GRIPAP1: variants seen among roughly 807,000 people sequenced by gnomAD.
The protein encoded by GRIPAP1 is GRIP1 associated protein 1, also known as GRIP1-associated protein 1.
In GRIPAP1, 14 loss-of-function variants were observed where a neutral mutation model predicts 84.1. The ratio of observed to expected loss-of-function variants is 0.17; its 90% CI spans 0.11 to 0.26. The LOEUF (loss-of-function observed/expected upper bound fraction) is 0.26. Ranked by LOEUF, GRIPAP1 falls within the 10% of genes least tolerant of loss-of-function variation. GRIPAP1 has a pLI of 1.00. For synonymous variants in GRIPAP1, 261 were observed against 256.8 expected, an observed-to-expected ratio of 1.02 and a Z score of -0.15; for missense variants, 518 against 674.2, an observed-to-expected ratio of 0.77 and a Z score of 2.57.
At chrX:48,985,606 G>A (rs1557063515) in intron 13 of GRIPAP1, among the ~76,000 whole-genome samples, 1 of 112,146 alleles carries the variant, frequency 8.9e-6, no homozygotes, top group Admixed American at 9.5e-5. Context: ...AACAGTAAGA[G>A]AACAGATCTG....
At chrX:48,989,758 T>A (rs1557064920) in intron 10 of GRIPAP1, 48 bp from the exon 11 acceptor site, 1 of 1,119,295 alleles carries the variant, frequency 8.9e-7, no homozygotes, top group South Asian at 1.8e-5. Context: ...TGAGGCCCAG[T>A]CTCCTAGCTC....
intron 14 of GRIPAP1, among the ~76,000 whole-genome samples, chrX:48,984,839 G>A (rs1325684353): frequency 9.5e-6 from 1 of 105,553 alleles, no homozygotes; most frequent in South Asian, 4.3e-4. Flanking sequence ...TGGTTAACAC[G>A]GTGAAACCCC....
chrX:48,983,620 C>G (rs1557062899), intron 15 of GRIPAP1, among the ~76,000 whole-genome samples, 155 bp downstream of exon 15: 1 of 111,402 alleles, frequency 9.0e-6, no homozygotes, highest in African/African-American at 3.3e-5. Context: ...CTCCCACTCT[C>G]ATGGATTTGG....
chrX:48,985,328 CTG>C lies in GRIPAP1; in HGVS notation c.1114_1115del (p.Gln372AlafsTer4). On this transcript the variant is annotated frameshift_variant, in exon 14 of 26. Coordinates refer to ENST00000376423, the MANE Select transcript of GRIPAP1 (RefSeq NM_020137.5). LOFTEE classifies it high-confidence loss of function. ...QTTGLAAELQQQQAEYEDLMG... is the reference protein window; with the variant it reads ...QTTGLAAELQXQQAEYEDLMG... ...TAAGGTCCTCGTACTCAGCCTGCTG[CTG>C]CTGCAACTCAGCTGCCAGCCCAGTG... 1 of 1,204,103 alleles carries C rather than the reference CTG, an allele frequency of 8.3e-7. No homozygotes were observed. Among genetic ancestry groups the C allele is most frequent in the Non-Finnish European group, 1.1e-6 (1 of 888,435 alleles).
At position 48,973,874 on chromosome X, in the gene GRIPAP1, T is replaced by TA. The variant is rs1346342282; in HGVS notation, c.*318dup. The TA allele has an allele frequency of 9.2e-6, 1 of 109,104 alleles. No individual in the cohort carries two copies. Among genetic ancestry groups the TA allele is most frequent in the Non-Finnish European group, 1.5e-5 (1 of 66,157 alleles). 9.0% of individuals were successfully genotyped at this position (109,104 alleles called of 1,213,427 possible). A position where few individuals can be genotyped will look rare whatever the true frequency, so the allele number is the denominator to read the frequency against. On this transcript the variant is annotated 3_prime_UTR_variant, in exon 26 of 26. Coordinates refer to ENST00000376423, the MANE Select transcript of GRIPAP1 (RefSeq NM_020137.5). Reference sequence around the variant, plus strand: ...GAGTAGCCAGGCTCCAGACATAAATTAAAAAATAAAATAAAATAAAATAAA... The same window carrying TA: ...GAGTAGCCAGGCTCCAGACATAAATTAAAAAAATAAAATAAAATAAAATAAA...
At chrX:48,976,388 C>A in intron 22 of GRIPAP1, 25 bp from the exon 23 acceptor site, 1 of 1,187,096 alleles carries the variant, frequency 8.4e-7, no homozygotes. Flanking sequence ...AGGGGAGAGG[C>A]CAGCCCCGGG....
chrX:48,999,414 T>C (rs782409786), intron 2 of GRIPAP1, 24 bp downstream of exon 2: 8 of 1,163,961 alleles, frequency 6.9e-6, no homozygotes, highest in East Asian at 3.0e-5. Flanking sequence ...GCCACCCCCA[T>C]CTAATAAGGC....
intron 21 of GRIPAP1, among the ~76,000 whole-genome samples, 196 bp downstream of exon 21, chrX:48,981,019 G>A (rs985406332): frequency 1.8e-5 from 2 of 111,966 alleles, no homozygotes; most frequent in Non-Finnish European, 3.8e-5. Context: ...GGGCAAAAAC[G>A]AGAGAAAGAT....
intron 13 of GRIPAP1, among the ~76,000 whole-genome samples, chrX:48,986,555 C>T (rs1405101807): frequency 9.1e-6 from 1 of 109,654 alleles, no homozygotes; most frequent in Non-Finnish European, 1.9e-5. Context: ...CCATGCCCAG[C>T]TATTTTTTTT....
chrX:48,984,608 C>T (rs1299151922), intron 14 of GRIPAP1, among the ~76,000 whole-genome samples: 1 of 102,782 alleles, frequency 9.7e-6, no homozygotes, highest in Non-Finnish European at 2.0e-5. Flanking sequence ...CCAGCTACTC[C>T]GGAGGCTGAG....
chrX:48,987,710 C>G, intron 13 of GRIPAP1, 75 bp downstream of exon 13: 4 of 644,239 alleles, frequency 6.2e-6, no homozygotes, highest in Non-Finnish European at 1.0e-5. Flanking sequence ...ACCACCCTAC[C>G]CTGATGTGGA....
chrX:48,975,683 C>T (rs1411820602), intron 24 of GRIPAP1: 8 of 327,042 alleles, frequency 2.4e-5, no homozygotes, highest in Non-Finnish European at 3.7e-5. Flanking sequence ...ATATAGACAG[C>T]GAGACAAGAT....
rs781939368 is a variant in GRIPAP1, at chrX:48,991,127, G to A, written c.458-17C>T. ...CCTGCAGGGCTGGTGAGTAGAACAG[G>A]GATATATGATGGATGAGGTGGTCTC... On this transcript the variant is annotated splice_polypyrimidine_tract_variant and intron_variant, in intron 6 of 25. Coordinates refer to ENST00000376423, the MANE Select transcript of GRIPAP1 (RefSeq NM_020137.5). 4 of 1,131,459 alleles carry A rather than the reference G, an allele frequency of 3.5e-6. No individual in the cohort carries two copies. The highest frequency in any genetic ancestry group is 4.9e-6 in the Non-Finnish European group (4 of 822,979). 93.2% of individuals were successfully genotyped at this position (1,131,459 alleles called of 1,213,427 possible).
chrX:48,988,441 G>A, intron 11 of GRIPAP1: 1 of 388,118 alleles, frequency 2.6e-6, no homozygotes, highest in Non-Finnish European at 4.5e-6. Context: ...CCTGGCCCTA[G>A]CTGCTACGCG....
intron 17 of GRIPAP1, among the ~76,000 whole-genome samples, chrX:48,982,395 GA>G (rs2064462443): frequency 8.9e-6 from 1 of 112,308 alleles, no homozygotes; most frequent in African/African-American, 3.2e-5. Context: ...TTCTTTTTCC[GA>G]GACAGAGTCT....
In GRIPAP1 at chrX:48,986,354, T is replaced by C. The variant is rs1008858973; in HGVS notation, c.1042-952A>G. Among the ~76,000 whole-genome samples, 11 of 110,722 alleles carry C rather than the reference T, an allele frequency of 9.9e-5. No individual in the cohort carries two copies. The South Asian group carries it at 1.2e-3, about 12-fold the overall frequency. ...GCTTGAGGCCAGAAGTTTAAGCCAG[T>C]CTGGGTAACATAGTGAGACCCTGTC... is the stretch of plus-strand genomic sequence containing the variant. On this transcript the variant is annotated intron_variant, in intron 13 of 25. Coordinates refer to ENST00000376423, the MANE Select transcript of GRIPAP1 (RefSeq NM_020137.5).
rs781961868 is a variant in GRIPAP1, at chrX:48,989,727, G to A, written c.771-17C>T. On this transcript the variant is annotated splice_polypyrimidine_tract_variant and intron_variant, in intron 10 of 25. Transcript: ENST00000376423. Reference sequence around the variant, plus strand: ...ATCTTGTTCCTAGGAGTGATGGGGAGGGGGTGTGTTGGACATGGCTTGAGG... The same window carrying A: ...ATCTTGTTCCTAGGAGTGATGGGGAAGGGGTGTGTTGGACATGGCTTGAGG... The A allele has an allele frequency of 3.5e-6, 4 of 1,137,828 alleles. No individual in the cohort carries two copies. In the East Asian group the frequency reaches 1.2e-4, roughly 34 times the overall value. The allele number at this position is 1,137,828 out of a possible 1,213,427, so 93.8% of individuals were successfully genotyped here.
intron 15 of GRIPAP1, 90 bp downstream of exon 15, chrX:48,983,685 C>G (rs2064470707): frequency 3.2e-6 from 2 of 631,619 alleles, no homozygotes; most frequent in Non-Finnish European, 2.7e-6. Flanking sequence ...CCTATCCCCA[C>G]ATGTTTGGTT....
Position 48,986,243 on chromosome X carries a change from C to CG in GRIPAP1, c.1042-842_1042-841insC. Among the ~76,000 whole-genome samples, 3 of 81,944 alleles carry CG rather than the reference C, an allele frequency of 3.7e-5. No individual in the cohort carries two copies. In the Admixed American group the frequency reaches 4.4e-4, roughly 12 times the overall value. 71.2% of individuals were successfully genotyped at this position (81,944 alleles called of 115,157 possible). On this transcript the variant is annotated intron_variant, in intron 13 of 25. Transcript: ENST00000376423. ...GACAACAAGACCGAAACTCCGTCTA[C>CG]AAAAAAAAAAAAAAGCAGAGATAGG...
Sources: gnomAD v4.1 joint callset for allele counts (sites outside exome capture counted in the v4.1 genomes callset) on GRCh38, gnomAD v4.1.1 for gene constraint, MANE v1.5 for transcripts, NCBI Gene and HGNC (gene_info 2026-07-23, HGNC 2026-07-21) for gene names.